The following NRG3 variants were observed in gnomAD, a reference collection of about 807,000 sequenced individuals.
NRG3 encodes pro-neuregulin-3, membrane-bound isoform.
Under a neutral mutation model 66.9 loss-of-function variants are expected in NRG3, and 31 were observed. The ratio of observed to expected loss-of-function variants is 0.46; its 90% CI spans 0.35 to 0.63. NRG3 has a LOEUF of 0.63. Among genes scored for constraint, NRG3 ranks in the 20% least tolerant of loss-of-function variants. NRG3 has a pLI of 0.00. For missense variants in NRG3, 910 were observed against 878.9 expected (o/e 1.04, Z -0.45); for synonymous variants, 393 against 359.4 (o/e 1.09, Z -1.06).
chr10:82,192,560 G>A (rs1016359647), intron 1 of NRG3, among the ~76,000 whole-genome samples: 4 of 152,110 alleles, frequency 2.6e-5, no homozygotes, highest in Admixed American at 6.5e-5. Context: ...TAAACTCCAG[G>A]TAAAAAAATT....
intron 2 of NRG3, among the ~76,000 whole-genome samples, chr10:82,602,467 A>G (rs1467356588): frequency 6.6e-6 from 1 of 151,916 alleles, no homozygotes; most frequent in Non-Finnish European, 1.5e-5. Context: ...CATAGATTAT[A>G]TTTATTAAAT....
intron 2 of NRG3, among the ~76,000 whole-genome samples, chr10:82,704,417 G>T (rs893864936): frequency 3.3e-5 from 5 of 152,286 alleles, no homozygotes; most frequent in Non-Finnish European, 7.3e-5. Context: ...AAATCTACCA[G>T]ACTATATCAT....
chr10:82,362,548 GT>G (rs10694679), intron 2 of NRG3, among the ~76,000 whole-genome samples: 46 of 83,206 alleles, frequency 5.5e-4, no homozygotes, highest in South Asian at 2.9e-3. Context: ...TAATTTCTGG[GT>G]TTTTTTTTTT....
intron 3 of NRG3, among the ~76,000 whole-genome samples, chr10:82,808,606 AT>A (rs369189959): frequency 0.013 from 1,990 of 152,254 alleles, 43 homozygotes; most frequent in African/African-American, 0.046. Context: ...TTAAACTGTT[AT>A]TTTTTAGAAA....
intron 3 of NRG3, among the ~76,000 whole-genome samples, chr10:82,762,998 G>A (rs1264570363): frequency 1.3e-5 from 2 of 151,504 alleles, no homozygotes; most frequent in African/African-American, 4.8e-5. Context: ...TTTGTATAAA[G>A]AGTTATTGCC....
chr10:82,355,815 A>T (rs1249372943), intron 1 of NRG3, among the ~76,000 whole-genome samples: 1 of 152,218 alleles, frequency 6.6e-6, no homozygotes, highest in South Asian at 2.1e-4. Flanking sequence ...AGTAAAATGC[A>T]TAGGTATATT....
intron 3 of NRG3, among the ~76,000 whole-genome samples, chr10:82,823,923 A>G (rs575095453): frequency 6.6e-6 from 1 of 152,120 alleles, no homozygotes; most frequent in Non-Finnish European, 1.5e-5. Context: ...AGTTCTTCAA[A>G]CATCACCCCT....
intron 2 of NRG3, among the ~76,000 whole-genome samples, chr10:82,662,006 T>A (rs967504087): frequency 1.3e-5 from 2 of 152,140 alleles, no homozygotes; most frequent in Non-Finnish European, 2.9e-5. Flanking sequence ...AGGACAAGCA[T>A]CTCTTCCTCC....
At chr10:82,345,536 T>C (rs1285577545) in intron 1 of NRG3, among the ~76,000 whole-genome samples, 1 of 151,774 alleles carries the variant, frequency 6.6e-6, no homozygotes, top group East Asian at 1.9e-4. Context: ...AGGATTGACT[T>C]GGCAATGTGG....
intron 3 of NRG3, among the ~76,000 whole-genome samples, chr10:82,847,944 A>T (rs2063381261): frequency 1.3e-5 from 2 of 152,212 alleles, no homozygotes; most frequent in Admixed American, 6.5e-5. Context: ...ATAAGTAATT[A>T]AAATTTGATT....
intron 1 of NRG3, among the ~76,000 whole-genome samples, chr10:82,199,873 C>CGTGTGT (rs1564656239): frequency 6.1e-4 from 67 of 109,598 alleles, no homozygotes; most frequent in African/African-American, 1.9e-3. Flanking sequence ...TGAGAGTGTG[C>CGTGTGT]ATGTGTGTGT....
At chr10:82,397,209 A>G (rs1018724861) in intron 2 of NRG3, among the ~76,000 whole-genome samples, 3 of 152,148 alleles carry the variant, frequency 2.0e-5, no homozygotes, top group Admixed American at 6.5e-5. Context: ...GCAAATGTCT[A>G]GACTCCTAAG....
chr10:82,323,237 T>C (rs1395699989), intron 1 of NRG3, among the ~76,000 whole-genome samples: 1 of 152,228 alleles, frequency 6.6e-6, no homozygotes, highest in Non-Finnish European at 1.5e-5. Flanking sequence ...ATATCTACTT[T>C]TTATCATGCT....
At chr10:82,967,714 C>A (rs187739149) in intron 6 of NRG3, among the ~76,000 whole-genome samples, 1 of 152,142 alleles carries the variant, frequency 6.6e-6, no homozygotes, top group Non-Finnish European at 1.5e-5. Flanking sequence ...CAGGAGTAGG[C>A]AATTGTTATT....
chr10:82,376,578 A>T (rs1056505631), intron 2 of NRG3, among the ~76,000 whole-genome samples: 1 of 152,178 alleles, frequency 6.6e-6, no homozygotes, highest in Non-Finnish European at 1.5e-5. Flanking sequence ...AATTTTCCAG[A>T]GGTGGTCCTT....
At chr10:82,835,339 T>C (rs1490403099) in intron 3 of NRG3, among the ~76,000 whole-genome samples, 1 of 152,172 alleles carries the variant, frequency 6.6e-6, no homozygotes, top group African/African-American at 2.4e-5. Flanking sequence ...CACTCCACGA[T>C]GAGATTCACC....
chr10:82,080,414 A>G (rs568886254), intron 1 of NRG3, among the ~76,000 whole-genome samples: 3 of 152,152 alleles, frequency 2.0e-5, no homozygotes, highest in Admixed American at 6.5e-5. Flanking sequence ...ATTATTATAG[A>G]TAGATTGCAT....
At chr10:82,772,657 G>A (rs974596795) in intron 3 of NRG3, among the ~76,000 whole-genome samples, 10 of 147,490 alleles carry the variant, frequency 6.8e-5, no homozygotes, top group Admixed American at 3.4e-4. Flanking sequence ...AAATGGCAAC[G>A]TCTTCCTTTT....
intron 3 of NRG3, among the ~76,000 whole-genome samples, chr10:82,790,522 A>G (rs1042630942): frequency 2.6e-5 from 4 of 151,908 alleles, no homozygotes; most frequent in Non-Finnish European, 5.9e-5. Context: ...GTGTGTTTTG[A>G]CAGTTTAATT....
Sources: allele counts gnomAD v4.1 joint callset (sites outside exome capture counted in the v4.1 genomes callset), GRCh38; gene constraint gnomAD v4.1.1; transcripts MANE v1.5; gene names NCBI Gene and HGNC (gene_info 2026-07-23, HGNC 2026-07-21).